The following FBXL13 variants were observed in gnomAD, a reference collection of about 807,000 sequenced individuals.
FBXL13 encodes the protein F-box and leucine rich repeat protein 13.
A neutral mutation model predicts 83.6 loss-of-function variants in FBXL13; 67 were observed. That is an observed-to-expected ratio of 0.80 (90% confidence interval 0.66 to 0.98). The LOEUF is 0.98. Among genes scored for constraint, FBXL13 ranks in the 50% least tolerant of loss-of-function variants. The pLI, the probability that FBXL13 is intolerant of heterozygous loss-of-function variation, is 0.00. For missense variants in FBXL13, 822 were observed against 866.5 expected (o/e 0.95, Z 0.64); for synonymous variants, 272 against 299.5 (o/e 0.91, Z 0.95).
chr7:102,835,477 T>C (rs891151313), intron 17 of FBXL13, among the ~76,000 whole-genome samples: 2 of 152,160 alleles, frequency 1.3e-5, no homozygotes, highest in Non-Finnish European at 2.9e-5. Context: ...CCAAACATCA[T>C]ATTAGAACAC....
chr7:103,027,396 T>A, intron 5 of FBXL13, 53 bp downstream of exon 6: 3 of 1,237,770 alleles, frequency 2.4e-6, no homozygotes, highest in South Asian at 2.6e-5. Flanking sequence ...TGAGGCAACA[T>A]GAATATAACT....
intron 16 of FBXL13, among the ~76,000 whole-genome samples, chr7:102,855,836 T>G (rs1214268277): frequency 1.3e-5 from 2 of 152,150 alleles, no homozygotes; most frequent in Non-Finnish European, 2.9e-5. Context: ...ATCTTGTTTT[T>G]TTTGTTTGTT....
intron 8 of FBXL13, among the ~76,000 whole-genome samples, chr7:102,950,495 A>G (rs1053983227): frequency 2.0e-5 from 3 of 152,238 alleles, no homozygotes; most frequent in Admixed American, 2.0e-4. Context: ...TAATCCAGCA[A>G]TCATGTTCCT....
chr7:103,044,041 C>T (rs1347981335), intron 2 of FBXL13, among the ~76,000 whole-genome samples: 1 of 152,164 alleles, frequency 6.6e-6, no homozygotes, highest in East Asian at 1.9e-4. Flanking sequence ...AGGAAAAACA[C>T]AACACCTCTA....
intron 8 of FBXL13, among the ~76,000 whole-genome samples, chr7:102,939,134 C>T (rs1820895830): frequency 6.6e-6 from 1 of 152,120 alleles, no homozygotes; most frequent in East Asian, 1.9e-4. Flanking sequence ...TTTCTAGAAC[C>T]TAGGAGGTTC....
intron 2 of FBXL13, among the ~76,000 whole-genome samples, chr7:103,042,976 T>G (rs1322042167): frequency 6.6e-6 from 1 of 152,128 alleles, no homozygotes; most frequent in Non-Finnish European, 1.5e-5. Flanking sequence ...ACATGAGATC[T>G]AATTAAACTA....
chr7:102,951,483 G>C lies in FBXL13; in HGVS notation c.724+12050C>G, dbSNP rs79268729. On this transcript the variant is annotated intron_variant, in intron 8 of 19. Transcript: ENST00000313221. ...AACCTGAAGAAACTAGAAAAGAAGA[G>C]CAAACAAAACCCAAGTCAACCAGAA... Among the ~76,000 whole-genome samples, 1,952 of 151,404 alleles carry C rather than the reference G, an allele frequency of 0.013. 89 individuals are homozygous for C. The East Asian group carries it at 0.16, about 12-fold the overall frequency.
rs375876058 is a variant in FBXL13, at chr7:102,964,406, T to TATATATA, written c.592-742_592-741insTATATAT. 1.9e-4 allele frequency among the ~76,000 whole-genome samples: 24 copies of TATATATA among 126,244 alleles called. No individual in the cohort carries two copies. In the East Asian group the frequency reaches 5.1e-3, roughly 27 times the overall value. 82.8% of individuals were successfully genotyped at this position (126,244 alleles called of 152,430 possible). A position where few individuals can be genotyped will look rare whatever the true frequency, so the allele number is the denominator to read the frequency against. On this transcript the variant is annotated intron_variant, in intron 7 of 19. Coordinates refer to ENST00000313221, the Ensembl canonical transcript of FBXL13. Reference sequence around the variant, plus strand: ...ATTTTGTGACTATATATATATATATTTTTTTTTTTTTTTCCAGACTGAGTC... The same window carrying TATATATA: ...ATTTTGTGACTATATATATATATATTATATATATTTTTTTTTTTTTCCAGACTGAGTC...
At chr7:102,899,780 A>G (rs971790106) in intron 11 of FBXL13, among the ~76,000 whole-genome samples, 1 of 152,206 alleles carries the variant, frequency 6.6e-6, no homozygotes, top group African/African-American at 2.4e-5. Context: ...GTGTGTATCT[A>G]ATCCCCAAAG....
intron 6 of FBXL13, among the ~76,000 whole-genome samples, chr7:102,990,236 C>G (rs1829421351): frequency 1.3e-5 from 2 of 152,086 alleles, no homozygotes; most frequent in Non-Finnish European, 2.9e-5. Context: ...TACAGTCAGA[C>G]CAGAGCCAAC....
At chr7:102,922,905 G>A (rs1017458999) in intron 10 of FBXL13, among the ~76,000 whole-genome samples, 1 of 152,180 alleles carries the variant, frequency 6.6e-6, no homozygotes, top group East Asian at 1.9e-4. Context: ...ATGAACCCGG[G>A]AGGCGGAGCT....
intron 10 of FBXL13, among the ~76,000 whole-genome samples, chr7:102,921,944 A>G (rs1257225676): frequency 6.6e-6 from 1 of 152,066 alleles, no homozygotes; most frequent in East Asian, 1.9e-4. Flanking sequence ...TAATCCCAGC[A>G]CTTTGGGAGG....
At chr7:102,939,874 T>C (rs543582351) in intron 8 of FBXL13, among the ~76,000 whole-genome samples, 3 of 152,164 alleles carry the variant, frequency 2.0e-5, no homozygotes, top group African/African-American at 7.2e-5. Context: ...AAATGGTCAA[T>C]AGTATACTAA....
intron 11 of FBXL13, among the ~76,000 whole-genome samples, chr7:102,894,726 C>T (rs1227140304): frequency 7.6e-5 from 11 of 145,554 alleles, no homozygotes; most frequent in African/African-American, 2.8e-4. Context: ...AAGACTTTGT[C>T]TCTTAAAAAA....
rs10251685 is a variant in FBXL13, at chr7:102,826,743, A to G, written c.1855-4540T>C. On this transcript the variant is annotated intron_variant, in intron 18 of 19. Coordinates refer to ENST00000313221, the Ensembl canonical transcript of FBXL13. ...CTGTCTCATATATATATATATATAT[A>G]TATATATATATATATATATATATAT... Among the ~76,000 whole-genome samples, 47 of 83,332 alleles carry G rather than the reference A, an allele frequency of 5.6e-4. 1 individual carries two copies. Among genetic ancestry groups the G allele is most frequent in the East Asian group, 3.7e-3 (6 of 1,628 alleles). The allele number at this position is 83,332 out of a possible 152,430, so 54.7% of individuals were successfully genotyped here.
rs1794058517 is a variant in FBXL13 at position 103,027,439 on chromosome 7, T to C, written c.327+10A>G. Reference sequence around the variant, plus strand: ...TCGGATTCTTAAAAAATTGTTTCAATATACAATACCAGCTCATCTTCTTTC... The same window carrying C: ...TCGGATTCTTAAAAAATTGTTTCAACATACAATACCAGCTCATCTTCTTTC... On this transcript the variant is annotated intron_variant, in intron 5 of 19. Transcript: ENST00000313221. 5 of 1,579,210 alleles carry C rather than the reference T, an allele frequency of 3.2e-6. No individual in the cohort carries two copies. The highest frequency in any genetic ancestry group is 4.3e-6 in the Non-Finnish European group (5 of 1,154,310).
At chr7:103,002,734 C>T (rs147423379) in intron 6 of FBXL13, among the ~76,000 whole-genome samples, 9 of 152,314 alleles carry the variant, frequency 5.9e-5, no homozygotes, top group Admixed American at 2.0e-4. Context: ...TTGTCCCACT[C>T]CCTCCTGGCC....
At chr7:103,057,585 T>A (rs570406148) in intron 1 of FBXL13, among the ~76,000 whole-genome samples, 1 of 152,234 alleles carries the variant, frequency 6.6e-6, no homozygotes, top group Non-Finnish European at 1.5e-5. Context: ...CTACCGAGTA[T>A]ATACATTTGA....
At chr7:102,955,066 C>T (rs1256081961) in intron 8 of FBXL13, among the ~76,000 whole-genome samples, 1 of 152,192 alleles carries the variant, frequency 6.6e-6, no homozygotes, top group South Asian at 2.1e-4. Context: ...CAGAACTCTC[C>T]ATCCCAAATC....
Sources: gnomAD v4.1 joint callset for allele counts (sites outside exome capture counted in the v4.1 genomes callset) on GRCh38, gnomAD v4.1.1 for gene constraint, MANE v1.5 for transcripts, NCBI Gene and HGNC (gene_info 2026-07-23, HGNC 2026-07-21) for gene names.